CCT4: variants seen among roughly 807,000 people sequenced by gnomAD.
The protein encoded by CCT4 is chaperonin containing TCP1 subunit 4.
Under a neutral mutation model 62.5 loss-of-function variants are expected in CCT4, and 17 were observed. The ratio of observed to expected loss-of-function variants is 0.27; its 90% CI spans 0.19 to 0.41. The LOEUF (loss-of-function observed/expected upper bound fraction) is 0.41, where lower values mean the gene tolerates loss of function less well. CCT4 is among the 10% of genes least tolerant of loss of function. The pLI, the probability that CCT4 is intolerant of heterozygous loss-of-function variation, is 1.00. For missense variants in CCT4, 592 were observed against 659.2 expected, an observed-to-expected ratio of 0.90 and a Z score of 1.12; for synonymous variants, 250 against 229.9, an observed-to-expected ratio of 1.09 and a Z score of -0.79.
At position 61,883,471 on chromosome 2, in the gene CCT4, T is replaced by C. The variant is rs1669161974; in HGVS notation, c.258A>G (p.Pro86=). The C allele has an allele frequency of 6.5e-7, 1 of 1,534,394 alleles. No individual in the cohort carries two copies. The highest frequency in any genetic ancestry group is 1.7e-5 in the Admixed American group (1 of 57,832). Residue 86 remains proline, a synonymous_variant, in exon 3 of 14, where the codon CCA becomes CCG. Transcript: ENST00000394440. ...TILKQMQVLH[P]AARMLVELSK... ...AAATTACACTTACCATTCTGGCTGC[T>C]GGATGTAATACTTGCATTTGTTTCA...
intron 12 of CCT4, among the ~76,000 whole-genome samples, chr2:61,870,296 ATAT>A (rs958511125): frequency 6.6e-6 from 1 of 151,498 alleles, no homozygotes; most frequent in African/African-American, 2.4e-5. Context: ...ACAAAACAAA[ATAT>A]TATCTCTTTA....
chr2:61,870,849 G>A (rs1668869043), intron 12 of CCT4, among the ~76,000 whole-genome samples: 1 of 152,064 alleles, frequency 6.6e-6, no homozygotes. Flanking sequence ...AACTTGGGAG[G>A]AGGAGGTTGC....
chr2:61,878,906 G>A lies in CCT4; in HGVS notation c.485C>T (p.Thr162Ile). The A allele has an allele frequency of 2.5e-6, 4 of 1,611,356 alleles. No individual in the cohort carries two copies. The highest frequency in any genetic ancestry group is 3.4e-6 in the Non-Finnish European group (4 of 1,178,552). Reference protein sequence around the residue: ...SRPVELSDRETLLNSATTSLN... With the variant: ...SRPVELSDREILLNSATTSLN... The stretch of plus-strand genomic sequence containing the variant: ...TGAAGTGGTTGCACTATTTAACAAA[G>A]TTTCTCTGTCACTCAGTTCCACAGG... Residue 162 changes from threonine (T) to isoleucine (I), a missense_variant, in exon 5 of 14, where the codon ACT becomes ATT. Coordinates refer to ENST00000394440, the MANE Select transcript of CCT4 (RefSeq NM_006430.4).
chr2:61,875,928 G>A (rs924147728), intron 8 of CCT4, among the ~76,000 whole-genome samples, 167 bp downstream of exon 8: 1 of 152,102 alleles, frequency 6.6e-6, no homozygotes, highest in Non-Finnish European at 1.5e-5. Context: ...CATTTTACCT[G>A]TGCTTTTAAA....
At position 61,888,390 on chromosome 2, in the gene CCT4, C is replaced by A; in HGVS notation, c.118G>T (p.Ala40Ser). 2 of 1,612,992 alleles carry A rather than the reference C, an allele frequency of 1.2e-6. No individual in the cohort carries two copies. The highest frequency in any genetic ancestry group is 1.7e-6 in the Non-Finnish European group (2 of 1,179,556). The change falls in exon 1 of 14, where the codon GCC becomes TCC. Residue 40 changes from alanine to serine, a missense_variant. Transcript: ENST00000394440. Reference sequence around the variant, plus strand: ...GCCATGAGAGTGATACCTTTGGCGGCGGAAATGTTGCTGAAGCGGATCTGG... The same window carrying A: ...GCCATGAGAGTGATACCTTTGGCGGAGGAAATGTTGCTGAAGCGGATCTGG... ...PAQIRFSNIS[A>S]AKAVADAIRT...
At chr2:61,872,682 C>T in intron 10 of CCT4, 94 bp from the exon 11 acceptor site, 3 of 1,295,830 alleles carry the variant, frequency 2.3e-6, no homozygotes, top group Admixed American at 2.1e-5. Flanking sequence ...AAACCCAACA[C>T]TTTGGGAGGA....
chr2:61,879,100 C>T, intron 4 of CCT4, 89 bp from the exon 5 acceptor site: 3 of 929,722 alleles, frequency 3.2e-6, no homozygotes, highest in Non-Finnish European at 4.9e-6. Flanking sequence ...AATGTCAAAG[C>T]AAGCACAAAT....
chr2:61,871,125 C>T (rs370669003), intron 12 of CCT4, among the ~76,000 whole-genome samples: 5 of 151,466 alleles, frequency 3.3e-5, no homozygotes, highest in African/African-American at 1.2e-4. Flanking sequence ...TCTGCCTCCC[C>T]AGTTCAAGCG....
At position 61,868,690 on chromosome 2, in the gene CCT4, G is replaced by A. The variant is rs1192688343; in HGVS notation, c.*2C>T. 1 of 1,591,434 alleles carries A rather than the reference G, an allele frequency of 6.3e-7. No homozygotes were observed. The highest frequency in any genetic ancestry group is 8.6e-7 in the Non-Finnish European group (1 of 1,159,490). On this transcript the variant is annotated 3_prime_UTR_variant, in exon 14 of 14. Transcript: ENST00000394440. ...CATAATGGTGCTAGTCAGTTATCCA[G>A]ATTATCGAGTGTTTACCTGATAAGA... is the stretch of plus-strand genomic sequence containing the variant.
intron 3 of CCT4, among the ~76,000 whole-genome samples, chr2:61,881,455 G>A (rs1380481784): frequency 6.6e-6 from 1 of 151,940 alleles, no homozygotes; most frequent in Non-Finnish European, 1.5e-5. Flanking sequence ...ATTTGTTTTT[G>A]CTCATATGAC....
chr2:61,871,181 G>C (rs923919554), intron 12 of CCT4, among the ~76,000 whole-genome samples: 2 of 151,718 alleles, frequency 1.3e-5, no homozygotes, highest in South Asian at 4.2e-4. Context: ...ACAGATATCC[G>C]CCACTTCGCC....
At chr2:61,872,866 G>A in intron 10 of CCT4, 136 bp downstream of exon 10, 1 of 694,192 alleles carries the variant, frequency 1.4e-6, no homozygotes, top group Non-Finnish European at 2.6e-6. Flanking sequence ...GGCGGAGCTT[G>A]TAGTGAGCCA....
intron 1 of CCT4, among the ~76,000 whole-genome samples, chr2:61,887,165 C>T (rs1229191870): frequency 6.6e-6 from 1 of 152,196 alleles, no homozygotes; most frequent in Non-Finnish European, 1.5e-5. Context: ...GTATTATCTC[C>T]TAAACTTACA....
chr2:61,880,732 G>A lies in CCT4; in HGVS notation c.271-338C>T, dbSNP rs151080883. ...ATCAAACTTTTTTTTTTGAGACAGGGTCTTACTCTGTCACCCAGACTGGAG... is the reference window on the plus strand; with the variant it reads ...ATCAAACTTTTTTTTTTGAGACAGGATCTTACTCTGTCACCCAGACTGGAG... On this transcript the variant is annotated intron_variant, in intron 3 of 13. Transcript: ENST00000394440. 9.5e-3 allele frequency among the ~76,000 whole-genome samples: 1,443 copies of A among 152,078 alleles called. 15 individuals carry two copies. The highest frequency in any genetic ancestry group is 0.033 in the African/African-American group (1,359 of 41,478).
intron 5 of CCT4, among the ~76,000 whole-genome samples, chr2:61,878,435 T>A (rs1669045573): frequency 6.6e-6 from 1 of 152,188 alleles, no homozygotes. Flanking sequence ...ACTCTTTTCA[T>A]CTATAAAATG....
chr2:61,870,433 T>G (rs1668860015), intron 12 of CCT4, among the ~76,000 whole-genome samples: 2 of 152,220 alleles, frequency 1.3e-5, no homozygotes, highest in Admixed American at 1.3e-4. Flanking sequence ...CCGGGATTAC[T>G]CCTGATGGCC....
Position 61,873,272 on chromosome 2 carries a change from T to C in CCT4, c.939A>G (p.Ala313=). 1.3e-6 allele frequency: 2 copies of C among 1,548,178 alleles called. No homozygotes were observed. Among genetic ancestry groups the C allele is most frequent in the Non-Finnish European group, 1.8e-6 (2 of 1,120,832 alleles). ...TCTTCATTTTATTCAGAAAGTGTAA[T>C]GCAAGATCACTAAGAGCATCTCTAA... The part of the protein sequence containing the change: ...SILRDALSDL[A]LHFLNKMKIM... Residue 313 remains alanine (A), a synonymous_variant, in exon 9 of 14, where the codon GCA becomes GCG. Transcript: ENST00000394440.
rs371073504 is a variant in CCT4 at position 61,868,488 on chromosome 2, GGGA to G, written c.*201_*203del. On this transcript the variant is annotated 3_prime_UTR_variant, in exon 14 of 14. Transcript: ENST00000394440. ...AAAGTATCAGAAATAACAGAATGTT[GGGA>G]GAAGATAAATCTGCCTTTTGAAACC... The G allele has an allele frequency of 4.1e-4, 205 of 495,532 alleles. 1 individual carries two copies. The highest frequency in any genetic ancestry group is 3.6e-3 in the African/African-American group (187 of 52,226). The allele number at this position is 495,532 out of a possible 1,614,324, so 30.7% of individuals were successfully genotyped here.
At position 61,880,323 on chromosome 2, in the gene CCT4, G is replaced by C; in HGVS notation, c.342C>G (p.Gly114=). ...DGTTSVVIIA[G]SLLDSCTKLL... ...GCTTGGTACAAGAATCTAAGAGGGA[G>C]CCAGCAATGATGACTACTGATGTGG... The change falls in exon 4 of 14, where the codon GGC becomes GGG. Residue 114 remains glycine (G), a synonymous_variant. Transcript: ENST00000394440. 6.2e-7 allele frequency: 1 copy of C among 1,603,968 alleles called. No individual in the cohort carries two copies. Among genetic ancestry groups the C allele is most frequent in the Non-Finnish European group, 8.5e-7 (1 of 1,175,768 alleles).
Sources: gnomAD v4.1 joint callset for allele counts (sites outside exome capture counted in the v4.1 genomes callset) on GRCh38, gnomAD v4.1.1 for gene constraint, MANE v1.5 for transcripts, NCBI Gene and HGNC (gene_info 2026-07-23, HGNC 2026-07-21) for gene names.